The following CSMD1 variants were observed in gnomAD, a reference collection of about 807,000 sequenced individuals.
CSMD1 encodes CUB and Sushi multiple domains 1, also known as CUB and sushi domain-containing protein 1.
A neutral mutation model predicts 417.5 loss-of-function variants in CSMD1; 213 were observed. That is an observed-to-expected ratio of 0.51 (90% CI 0.46 to 0.57). The LOEUF is 0.57. CSMD1 is among the 20% of genes least tolerant of loss of function. The pLI, the probability that CSMD1 is intolerant of heterozygous loss-of-function variation, is 0.00. For missense variants in CSMD1, 6,923 were observed against 4,529.7 expected (o/e 1.53, Z -15.17); for synonymous variants, 2,862 against 1,736.8 (o/e 1.65, Z -16.11).
intron 2 of CSMD1, among the ~76,000 whole-genome samples, chr8:4,482,231 A>C (rs550675450): frequency 6.6e-6 from 1 of 152,024 alleles, no homozygotes; most frequent in Admixed American, 6.6e-5. Context: ...ATTTTTCCAG[A>C]TCCTCTCCCT....
At chr8:3,286,519 C>G (rs1185639162) in intron 25 of CSMD1, among the ~76,000 whole-genome samples, 1 of 152,170 alleles carries the variant, frequency 6.6e-6, no homozygotes, top group Non-Finnish European at 1.5e-5. Flanking sequence ...GATCGCCATT[C>G]TAACTGGTGT....
rs555600822 is a variant in CSMD1 at position 2,986,360 on chromosome 8, G to A, written c.8378-7560C>T. The stretch of plus-strand genomic sequence containing the variant: ...AAAACTGCTGTTCTCCCAGGAAGTC[G>A]AGCATGAACTGTAAGACCTGCAGCT... On this transcript the variant is annotated intron_variant, in intron 54 of 69. Transcript: ENST00000635120. Among the ~76,000 whole-genome samples the A allele has an allele frequency of 8.5e-5, 13 of 152,172 alleles. No homozygotes were observed. In the South Asian group the frequency reaches 2.7e-3, roughly 32 times the overall value.
At chr8:4,974,623 T>C (rs1810439986) in intron 1 of CSMD1, among the ~76,000 whole-genome samples, 1 of 152,160 alleles carries the variant, frequency 6.6e-6, no homozygotes, top group African/African-American at 2.4e-5. Context: ...TAAAATTCTG[T>C]ATATAATAGC....
chr8:3,780,788 A>C (rs1178065829), intron 5 of CSMD1, among the ~76,000 whole-genome samples: 1 of 152,222 alleles, frequency 6.6e-6, no homozygotes, highest in Non-Finnish European at 1.5e-5. Flanking sequence ...ATCTAAAAGA[A>C]AGTAATTCAA....
At chr8:4,148,033 C>A (rs906862488) in intron 3 of CSMD1, among the ~76,000 whole-genome samples, 1 of 152,052 alleles carries the variant, frequency 6.6e-6, no homozygotes, top group Admixed American at 6.5e-5. Flanking sequence ...ATAGTCTGTT[C>A]TATGACCTTT....
intron 1 of CSMD1, among the ~76,000 whole-genome samples, chr8:4,945,644 T>A (rs568050074): frequency 6.6e-6 from 1 of 152,292 alleles, no homozygotes; most frequent in South Asian, 2.1e-4. Flanking sequence ...GTTTGAATAT[T>A]TGAATTAGTT....
At chr8:4,723,088 G>T (rs969452404) in intron 1 of CSMD1, among the ~76,000 whole-genome samples, 1 of 152,100 alleles carries the variant, frequency 6.6e-6, no homozygotes, top group Admixed American at 6.6e-5. Context: ...TCAGCTTTCT[G>T]TCTGGATACT....
intron 5 of CSMD1, among the ~76,000 whole-genome samples, chr8:3,804,871 A>C (rs1800641931): frequency 6.6e-6 from 1 of 152,182 alleles, no homozygotes; most frequent in South Asian, 2.1e-4. Context: ...TTACATGATT[A>C]TAAAAAAGTA....
chr8:2,998,239 C>T, intron 53 of CSMD1, 55 bp from the exon 54 acceptor site: 1 of 1,557,472 alleles, frequency 6.4e-7, no homozygotes, highest in East Asian at 2.3e-5. Context: ...CATCACTTTC[C>T]CTTGGGATTA....
chr8:4,941,913 G>A (rs1563825161), intron 1 of CSMD1, among the ~76,000 whole-genome samples: 1 of 152,094 alleles, frequency 6.6e-6, no homozygotes. Flanking sequence ...TCAGCAATTT[G>A]ATGATGCTAA....
At chr8:3,938,389 G>C (rs149558065) in intron 5 of CSMD1, among the ~76,000 whole-genome samples, 2 of 152,140 alleles carry the variant, frequency 1.3e-5, no homozygotes, top group Admixed American at 1.3e-4. Flanking sequence ...AATGCAATCG[G>C]TGGTAGGCTA....
intron 2 of CSMD1, among the ~76,000 whole-genome samples, chr8:4,487,093 T>C (rs1381540116): frequency 2.0e-5 from 3 of 152,136 alleles, no homozygotes; most frequent in African/African-American, 7.2e-5. Flanking sequence ...CTTTTTGCCA[T>C]CTTAGCCTCA....
chr8:4,759,360 C>T (rs951191903), intron 1 of CSMD1, among the ~76,000 whole-genome samples: 6 of 152,296 alleles, frequency 3.9e-5, no homozygotes, highest in Admixed American at 3.9e-4. Flanking sequence ...GGGCAGTGGA[C>T]AGGGCCAGCA....
chr8:3,263,557 T>C lies in CSMD1; in HGVS notation c.4153+20587A>G, dbSNP rs557273615. On this transcript the variant is annotated intron_variant, in intron 26 of 69. Coordinates refer to ENST00000635120, the MANE Select transcript of CSMD1 (RefSeq NM_033225.6). ...GTAAATGTTCATTTTTGGTAATACA[T>C]TCAAGTAATTTTTGAAATTTCTTAC... Among the ~76,000 whole-genome samples the C allele has an allele frequency of 1.4e-4, 21 of 152,316 alleles. 1 individual carries two copies. In the South Asian group the frequency reaches 4.3e-3, roughly 32 times the overall value.
At chr8:2,999,029 T>C (rs1317751360) in intron 53 of CSMD1, among the ~76,000 whole-genome samples, 3 of 152,226 alleles carry the variant, frequency 2.0e-5, no homozygotes, top group Non-Finnish European at 4.4e-5. Context: ...TTAAGGGAAA[T>C]TGGGCAATAA....
chr8:4,070,245 T>C (rs570647095), intron 3 of CSMD1, among the ~76,000 whole-genome samples: 3 of 152,334 alleles, frequency 2.0e-5, no homozygotes, highest in Non-Finnish European at 4.4e-5. Context: ...ATCATATATA[T>C]TACAAACATG....
intron 3 of CSMD1, among the ~76,000 whole-genome samples, chr8:4,268,598 G>C (rs866221461): frequency 1.3e-5 from 2 of 152,048 alleles, no homozygotes; most frequent in Non-Finnish European, 2.9e-5. Flanking sequence ...ACTTATTTTT[G>C]CAAGAGTAGC....
chr8:4,437,015 C>G (rs1490113044), intron 2 of CSMD1, among the ~76,000 whole-genome samples: 2 of 152,298 alleles, frequency 1.3e-5, no homozygotes, highest in African/African-American at 4.8e-5. Context: ...CTGATTCTCT[C>G]TATCCCTGAG....
intron 3 of CSMD1, among the ~76,000 whole-genome samples, chr8:4,404,350 G>C (rs377716773): frequency 8.8e-4 from 134 of 152,200 alleles, no homozygotes; most frequent in African/African-American, 2.8e-3. Flanking sequence ...TAAGACCCAT[G>C]AGCGCAGGGA....
Sources: allele counts gnomAD v4.1 joint callset (sites outside exome capture counted in the v4.1 genomes callset), GRCh38; gene constraint gnomAD v4.1.1; transcripts MANE v1.5; gene names NCBI Gene and HGNC (gene_info 2026-07-23, HGNC 2026-07-21).